The following PPP2R2B variants were observed in gnomAD, a reference collection of about 807,000 sequenced individuals.
PPP2R2B encodes the protein serine/threonine-protein phosphatase 2A 55 kDa regulatory subunit B beta isoform.
A neutral mutation model predicts 46.0 loss-of-function variants in PPP2R2B; 5 were observed. The observed-to-expected ratio is 0.11, with a 90% CI of 0.06 to 0.23. The LOEUF is 0.23. Among genes scored for constraint, PPP2R2B ranks in the 10% least tolerant of loss-of-function variants. The probability of loss-of-function intolerance (pLI) is 1.00; values close to 1 mark genes in which losing one functional copy is unlikely to be tolerated. For synonymous variants in PPP2R2B, 215 were observed against 206.7 expected (o/e 1.04, Z -0.34); for missense variants, 367 against 575.0 (o/e 0.64, Z 3.70).
chr5:146,956,154 GGT>G (rs2151838845), intron 1 of PPP2R2B, among the ~76,000 whole-genome samples: 1 of 151,954 alleles, frequency 6.6e-6, no homozygotes, highest in East Asian at 1.9e-4. Context: ...GCAGAACAAA[GGT>G]AAAATACACA....
At chr5:146,812,793 G>A (rs200183251) in intron 2 of PPP2R2B, among the ~76,000 whole-genome samples, 6,539 of 11,756 alleles carry the variant, frequency 0.56, 2,023 homozygotes, top group African/African-American at 0.67. Flanking sequence ...GTATATGTGT[G>A]TATATATATA....
intron 5 of PPP2R2B, among the ~76,000 whole-genome samples, chr5:146,653,796 C>T (rs550145807): frequency 3.9e-5 from 6 of 152,208 alleles, no homozygotes; most frequent in African/African-American, 1.4e-4. Flanking sequence ...GGAAGGGCTC[C>T]GTGTAGGTAT....
chr5:146,723,349 A>G (rs1324102765), intron 2 of PPP2R2B, among the ~76,000 whole-genome samples: 2 of 152,128 alleles, frequency 1.3e-5, no homozygotes, highest in African/African-American at 4.8e-5. Flanking sequence ...AAACTTTCAT[A>G]GTGTCATTTT....
chr5:147,081,447 C>T, upstream of PPP2R2B: 1 of 666,394 alleles, frequency 1.5e-6, no homozygotes, highest in Non-Finnish European at 2.5e-6. Context: ...TTACGAAGGA[C>T]TTGCAGTCAT....
intron 6 of PPP2R2B, among the ~76,000 whole-genome samples, chr5:146,643,203 A>G (rs7717227): frequency 0.017 from 2,511 of 152,036 alleles, 69 homozygotes; most frequent in African/African-American, 0.058. Flanking sequence ...AGAGAGAGAG[A>G]GAGGGAGACA....
At chr5:146,813,219 C>T (rs1372892952) in intron 2 of PPP2R2B, among the ~76,000 whole-genome samples, 2 of 151,524 alleles carry the variant, frequency 1.3e-5, no homozygotes, top group African/African-American at 4.9e-5. Context: ...TAAATCTTAG[C>T]CTTTTAATAA....
intron 1 of PPP2R2B, among the ~76,000 whole-genome samples, chr5:146,956,370 G>A (rs1041310276): frequency 3.3e-5 from 5 of 152,060 alleles, no homozygotes; most frequent in African/African-American, 1.2e-4. Flanking sequence ...CCCCAACTAT[G>A]TGGAACTGTC....
intron 7 of PPP2R2B, among the ~76,000 whole-genome samples, chr5:146,606,234 G>A (rs2151027167): frequency 6.6e-6 from 1 of 152,276 alleles, no homozygotes; most frequent in South Asian, 2.1e-4. Flanking sequence ...GTTGCTGGGT[G>A]TGGCTCCTTT....
intron 9 of PPP2R2B, 115 bp downstream of exon 9, chr5:146,592,856 C>A: frequency 1.0e-6 from 1 of 958,670 alleles, no homozygotes; most frequent in Admixed American, 1.9e-5. Flanking sequence ...GCATTTCAGC[C>A]AGGTTTTGGG....
intron 2 of PPP2R2B, among the ~76,000 whole-genome samples, chr5:146,773,879 G>GAC (rs1407536118): frequency 1.3e-5 from 2 of 151,992 alleles, no homozygotes; most frequent in Non-Finnish European, 2.9e-5. Flanking sequence ...AGCACTTATT[G>GAC]ACAGCCTACC....
At chr5:146,959,148 A>G (rs1035964057) in intron 1 of PPP2R2B, among the ~76,000 whole-genome samples, 1 of 152,234 alleles carries the variant, frequency 6.6e-6, no homozygotes, top group South Asian at 2.1e-4. Context: ...AAACCTGGAA[A>G]TTCTAAGTCT....
intron 1 of PPP2R2B, among the ~76,000 whole-genome samples, chr5:146,895,431 A>G (rs1406074155): frequency 6.6e-6 from 1 of 152,246 alleles, no homozygotes; most frequent in Non-Finnish European, 1.5e-5. Context: ...TCATGAAAGA[A>G]TCATGTCTGT....
At chr5:146,819,710 AT>A (rs1303031516) in intron 2 of PPP2R2B, among the ~76,000 whole-genome samples, 1 of 152,148 alleles carries the variant, frequency 6.6e-6, no homozygotes, top group Admixed American at 6.5e-5. Flanking sequence ...TGCTAGGCAG[AT>A]TTGTCAAAAA....
At chr5:146,817,040 G>C (rs575008375) in intron 2 of PPP2R2B, among the ~76,000 whole-genome samples, 1 of 152,156 alleles carries the variant, frequency 6.6e-6, no homozygotes, top group Admixed American at 6.5e-5. Flanking sequence ...TGTGATGAGC[G>C]TTGCTCTTGA....
chr5:146,943,423 C>T (rs1024221025), intron 1 of PPP2R2B, among the ~76,000 whole-genome samples: 8 of 152,146 alleles, frequency 5.3e-5, no homozygotes, highest in African/African-American at 1.7e-4. Flanking sequence ...CTTCAGTACT[C>T]ATAGTTAATT....
At chr5:146,987,957 G>T (rs1753505561) in intron 1 of PPP2R2B, among the ~76,000 whole-genome samples, 1 of 151,742 alleles carries the variant, frequency 6.6e-6, no homozygotes, top group African/African-American at 2.4e-5. Context: ...AACCAAAGAG[G>T]GCAGGAGTAG....
chr5:146,959,407 A>G (rs2151840742), intron 1 of PPP2R2B, among the ~76,000 whole-genome samples: 1 of 152,278 alleles, frequency 6.6e-6, no homozygotes, highest in East Asian at 1.9e-4. Context: ...TGATTGTAGT[A>G]TAGGTATCAA....
chr5:146,773,958 A>G (rs917921584), intron 2 of PPP2R2B, among the ~76,000 whole-genome samples: 1 of 152,112 alleles, frequency 6.6e-6, no homozygotes, highest in African/African-American at 2.4e-5. Context: ...TCCCACTGCA[A>G]CCCGTCGTAA....
At chr5:146,652,466 A>G (rs1776037687) in intron 5 of PPP2R2B, among the ~76,000 whole-genome samples, 1 of 152,138 alleles carries the variant, frequency 6.6e-6, no homozygotes, top group Non-Finnish European at 1.5e-5. Context: ...AGACATAATT[A>G]AAAGGGCTAG....
Sources: allele counts gnomAD v4.1 joint callset (sites outside exome capture counted in the v4.1 genomes callset), GRCh38; gene constraint gnomAD v4.1.1; transcripts MANE v1.5; gene names NCBI Gene and HGNC (gene_info 2026-07-23, HGNC 2026-07-21).